The following P2RX7 variants were observed in gnomAD, a reference collection of about 807,000 sequenced individuals.
The protein encoded by P2RX7 is purinergic receptor P2X 7, also known as P2X purinoceptor 7.
A neutral mutation model predicts 71.6 loss-of-function variants in P2RX7; 62 were observed. The ratio of observed to expected loss-of-function variants is 0.87; its 90% CI spans 0.71 to 1.07. The LOEUF (loss-of-function observed/expected upper bound fraction) is 1.07. P2RX7 is among the 50% of genes least tolerant of loss of function. The pLI is 0.00. For missense variants in P2RX7, 686 were observed against 748.5 expected (o/e 0.92, Z 0.97); for synonymous variants, 299 against 283.3 (o/e 1.06, Z -0.56).
chr12:121,169,714 T>C (rs943803396), intron 8 of P2RX7, among the ~76,000 whole-genome samples: 5 of 152,168 alleles, frequency 3.3e-5, no homozygotes, highest in African/African-American at 1.2e-4. Context: ...GAGGCTAGCC[T>C]GGGCAACATA....
chr12:121,165,651 C>T (rs998948688), intron 6 of P2RX7, among the ~76,000 whole-genome samples: 13 of 152,198 alleles, frequency 8.5e-5, no homozygotes, highest in African/African-American at 2.7e-4. Flanking sequence ...CTAGGCTTGA[C>T]TGGGGCTGGA....
At chr12:121,145,345 A>C (rs1875903155) in intron 1 of P2RX7, among the ~76,000 whole-genome samples, 1 of 152,244 alleles carries the variant, frequency 6.6e-6, no homozygotes. Flanking sequence ...GGTCAGGTCC[A>C]TGGTGTATCT....
At chr12:121,145,078 C>A (rs1671310393) in intron 1 of P2RX7, among the ~76,000 whole-genome samples, 1 of 152,072 alleles carries the variant, frequency 6.6e-6, no homozygotes, top group African/African-American at 2.4e-5. Context: ...TAGACGGCAA[C>A]CAGAACCCTG....
intron 8 of P2RX7, among the ~76,000 whole-genome samples, chr12:121,174,656 A>G (rs1882774560): frequency 2.0e-5 from 3 of 152,130 alleles, no homozygotes; most frequent in South Asian, 2.1e-4. Context: ...AGTAATTAGT[A>G]TGCAAGATTT....
At chr12:121,155,935 C>T in intron 2 of P2RX7, 144 bp from the exon 3 acceptor site, 2 of 727,132 alleles carry the variant, frequency 2.8e-6, no homozygotes, top group Non-Finnish European at 4.8e-6. Context: ...ATATTAAGCC[C>T]TTGGCATATT....
At chr12:121,150,583 A>G (rs1378701020) in intron 1 of P2RX7, among the ~76,000 whole-genome samples, 1 of 152,216 alleles carries the variant, frequency 6.6e-6, no homozygotes, top group East Asian at 1.9e-4. Flanking sequence ...TGGGTATCTT[A>G]CCCCAACATC....
At chr12:121,148,877 C>T (rs536770210) in intron 1 of P2RX7, 9 of 331,102 alleles carry the variant, frequency 2.7e-5, no homozygotes, top group African/African-American at 2.0e-4. Flanking sequence ...CAGGCACAGT[C>T]CTGGCGCTAC....
chr12:121,137,733 T>C (rs1873994289), intron 1 of P2RX7, among the ~76,000 whole-genome samples: 2 of 152,102 alleles, frequency 1.3e-5, no homozygotes, highest in African/African-American at 2.4e-5. Context: ...CCATGGGGCA[T>C]AGGAATTGGG....
intron 1 of P2RX7, among the ~76,000 whole-genome samples, chr12:121,137,597 T>C (rs1045724069): frequency 6.6e-6 from 1 of 152,232 alleles, no homozygotes; most frequent in Non-Finnish European, 1.5e-5. Flanking sequence ...GGACTATCTA[T>C]TAACGTCTCA....
intron 1 of P2RX7, among the ~76,000 whole-genome samples, chr12:121,141,969 A>G (rs1018854300): frequency 4.6e-5 from 7 of 152,180 alleles, no homozygotes; most frequent in Non-Finnish European, 1.0e-4. Flanking sequence ...TTGATACACA[A>G]GGAATAACAC....
intron 12 of P2RX7, among the ~76,000 whole-genome samples, chr12:121,181,481 A>T (rs1252244112): frequency 6.6e-6 from 1 of 152,142 alleles, no homozygotes; most frequent in Non-Finnish European, 1.5e-5. Context: ...GGTTGTTCAC[A>T]TTTGCACTCT....
intron 12 of P2RX7, 65 bp downstream of exon 12, chr12:121,180,520 C>A: frequency 1.3e-6 from 1 of 759,994 alleles, no homozygotes; most frequent in South Asian, 1.8e-5. Context: ...ATAAACACAT[C>A]TAGAAACTTG....
In P2RX7 at chr12:121,162,661, A is replaced by G. The variant is rs1481568062; in HGVS notation, c.533+141A>G. On this transcript the variant is annotated intron_variant, in intron 5 of 12. Transcript: ENST00000328963. ...CGGCTTGGGGACCCCTGCGCTCTGG[A>G]TGCACTGCTTGGCACAAACTAGTAT... The G allele has an allele frequency of 3.4e-6, 3 of 880,724 alleles. No homozygotes were observed. In the East Asian group the frequency reaches 7.9e-5, roughly 23 times the overall value. The allele number at this position is 880,724 out of a possible 1,614,324, so 54.6% of individuals were successfully genotyped here.
rs139109178 is a variant in P2RX7 at position 121,159,749 on chromosome 12, C to T, written c.364-1153C>T. Among the ~76,000 whole-genome samples, 348 of 152,280 alleles carry T rather than the reference C, an allele frequency of 2.3e-3. 2 individuals carry two copies. Among genetic ancestry groups the T allele is most frequent in the African/African-American group, 7.8e-3 (324 of 41,554 alleles). ...CGTGTTCTGTCCTTCAGCCCTGAGA[C>T]CCAGCTGGTCTCATTTTCTTGGGCC... On this transcript the variant is annotated intron_variant, in intron 3 of 12. Transcript: ENST00000328963.
intron 1 of P2RX7, among the ~76,000 whole-genome samples, chr12:121,145,086 C>G (rs1875841551): frequency 6.6e-6 from 1 of 152,136 alleles, no homozygotes; most frequent in African/African-American, 2.4e-5. Context: ...AACCAGAACC[C>G]TGGAAGAAGG....
At chr12:121,155,369 T>C in intron 2 of P2RX7, 1 of 1,294,230 alleles carries the variant, frequency 7.7e-7, no homozygotes, top group South Asian at 1.2e-5. Context: ...AGGAGACCAT[T>C]CTTGGGTACA....
chr12:121,167,072 C>T (rs1048868893), intron 7 of P2RX7, among the ~76,000 whole-genome samples: 17 of 150,114 alleles, frequency 1.1e-4, no homozygotes, highest in Admixed American at 2.7e-4. Flanking sequence ...AAAAAAAATC[C>T]TTCATGTATT....
chr12:121,175,580 A>G, intron 9 of P2RX7, 102 bp downstream of exon 9: 2 of 697,378 alleles, frequency 2.9e-6, no homozygotes, highest in East Asian at 5.1e-5. Flanking sequence ...CTCAGCCTTC[A>G]GCTAGCACTG....
chr12:121,178,453 T>C (rs1348602150), intron 11 of P2RX7, among the ~76,000 whole-genome samples: 1 of 152,230 alleles, frequency 6.6e-6, no homozygotes, highest in Non-Finnish European at 1.5e-5. Flanking sequence ...ATGCTACTAT[T>C]ATCTCTTTCT....
Sources: allele counts gnomAD v4.1 joint callset (sites outside exome capture counted in the v4.1 genomes callset), GRCh38; gene constraint gnomAD v4.1.1; transcripts MANE v1.5; gene names NCBI Gene and HGNC (gene_info 2026-07-23, HGNC 2026-07-21).